KCNJ6: variants seen among roughly 807,000 people sequenced by gnomAD.
The protein encoded by KCNJ6 is G protein-activated inward rectifier potassium channel 2.
Under a neutral mutation model 34.2 loss-of-function variants are expected in KCNJ6, and 9 were observed. That is an observed-to-expected ratio of 0.26 (90% CI 0.16 to 0.46). The LOEUF (loss-of-function observed/expected upper bound fraction) is 0.46. Among genes scored for constraint, KCNJ6 ranks in the 20% least tolerant of loss-of-function variants. The pLI, the probability that KCNJ6 is intolerant of heterozygous loss-of-function variation, is 1.00. For missense variants in KCNJ6, 236 were observed against 531.3 expected (o/e 0.44, Z 5.46); for synonymous variants, 196 against 207.1 (o/e 0.95, Z 0.46).
chr21:37,728,708 A>G (rs1363967676), intron 2 of KCNJ6, among the ~76,000 whole-genome samples: 1 of 151,696 alleles, frequency 6.6e-6, no homozygotes, highest in African/African-American at 2.4e-5. Context: ...GTATATATAT[A>G]TATGTTTGAA....
At position 37,632,120 on chromosome 21, in the gene KCNJ6, G is replaced by T. The variant is rs190048768; in HGVS notation, c.947-6636C>A. Among the ~76,000 whole-genome samples the T allele has an allele frequency of 7.8e-3, 1,187 of 152,170 alleles. 14 individuals carry two copies. The highest frequency in any genetic ancestry group is 0.026 in the African/African-American group (1,066 of 41,544). On this transcript the variant is annotated intron_variant, in intron 3 of 3. Transcript: ENST00000609713. ...CGGGAGCTGAAAGTGGGGGCCGACC[G>T]GGGGGAGGGGTGGATCTCACAGAGG...
At chr21:37,884,243 A>G (rs140648727) in intron 1 of KCNJ6, among the ~76,000 whole-genome samples, 321 of 152,304 alleles carry the variant, frequency 2.1e-3, no homozygotes, top group African/African-American at 7.5e-3. Context: ...ATCTCACTTA[A>G]GAATGCATCA....
intron 2 of KCNJ6, among the ~76,000 whole-genome samples, chr21:37,807,439 T>C (rs1044055117): frequency 1.3e-5 from 2 of 152,228 alleles, no homozygotes; most frequent in African/African-American, 4.8e-5. Flanking sequence ...TCAATGTCCA[T>C]TGTCATATTT....
chr21:37,697,148 G>A (rs2054667198), intron 3 of KCNJ6, among the ~76,000 whole-genome samples: 1 of 152,318 alleles, frequency 6.6e-6, no homozygotes, highest in South Asian at 2.1e-4. Context: ...ACCATAAGAC[G>A]ATTGTTTGAC....
chr21:37,761,125 TATGTGGTGTAC>T (rs1476998804), intron 2 of KCNJ6, among the ~76,000 whole-genome samples: 2 of 151,930 alleles, frequency 1.3e-5, no homozygotes, highest in Admixed American at 1.3e-4. Flanking sequence ...CTATGTGCTG[TATGTGGTGTAC>T]GTGTGGTATG....
chr21:37,723,920 TG>T (rs1413794083), intron 2 of KCNJ6, among the ~76,000 whole-genome samples: 3 of 147,312 alleles, frequency 2.0e-5, no homozygotes, highest in Non-Finnish European at 3.1e-5. Context: ...ACAAATTGAC[TG>T]ATAGAAAACA....
intron 3 of KCNJ6, among the ~76,000 whole-genome samples, chr21:37,694,765 G>T (rs142851154): frequency 6.3e-4 from 96 of 152,290 alleles, no homozygotes; most frequent in African/African-American, 2.1e-3. Context: ...CTTAGAGGAG[G>T]TCCCAAAGGT....
At chr21:37,736,882 T>G (rs917318322) in intron 2 of KCNJ6, among the ~76,000 whole-genome samples, 1 of 152,218 alleles carries the variant, frequency 6.6e-6, no homozygotes, top group African/African-American at 2.4e-5. Flanking sequence ...GTCACCCTCC[T>G]GGAGGCACCG....
At chr21:37,631,595 C>T (rs1877929) in intron 3 of KCNJ6, among the ~76,000 whole-genome samples, 61,239 of 151,942 alleles carry the variant, frequency 0.4, 12,528 homozygotes, top group Admixed American at 0.5. Context: ...GGAGTCAAAA[C>T]TTGAGGAATG....
At chr21:37,806,038 G>C (rs150992614) in intron 2 of KCNJ6, among the ~76,000 whole-genome samples, 1 of 152,150 alleles carries the variant, frequency 6.6e-6, no homozygotes, top group South Asian at 2.1e-4. Flanking sequence ...CTAATATAGC[G>C]TTCTAACATG....
chr21:37,898,594 A>G (rs1034939620), intron 1 of KCNJ6, among the ~76,000 whole-genome samples: 1 of 151,854 alleles, frequency 6.6e-6, no homozygotes, highest in African/African-American at 2.4e-5. Flanking sequence ...AAAGAAAAAA[A>G]AAAAAAAGAA....
chr21:37,617,753 A>G lies in KCNJ6; in HGVS notation c.*7406T>C, dbSNP rs1033621718. 1.3e-5 allele frequency: 2 copies of G among 152,382 alleles called. No individual in the cohort carries two copies. Among genetic ancestry groups the G allele is most frequent in the Non-Finnish European group, 2.9e-5 (2 of 68,022 alleles). The allele number at this position is 152,382 out of a possible 1,614,324, so 9.4% of individuals were successfully genotyped here. On this transcript the variant is annotated 3_prime_UTR_variant, in exon 4 of 4. Transcript: ENST00000609713. ...AAAGAAAAGCACTGAGATCATCACC[A>G]TGAGAAAATCAGAACTTTTGGGGAT... is the stretch of plus-strand genomic sequence containing the variant.
At chr21:37,752,020 A>G (rs1365641751) in intron 2 of KCNJ6, among the ~76,000 whole-genome samples, 1 of 152,222 alleles carries the variant, frequency 6.6e-6, no homozygotes, top group Non-Finnish European at 1.5e-5. Flanking sequence ...AGTGATGGAA[A>G]GCTATCTACA....
chr21:37,770,695 G>A (rs145458545), intron 2 of KCNJ6, among the ~76,000 whole-genome samples: 298 of 152,242 alleles, frequency 2.0e-3, no homozygotes, highest in African/African-American at 5.5e-3. Context: ...GTTTGCTCAC[G>A]GCAAAGGTAA....
At chr21:37,704,981 C>T (rs561334044) in intron 3 of KCNJ6, among the ~76,000 whole-genome samples, 1 of 152,234 alleles carries the variant, frequency 6.6e-6, no homozygotes, top group East Asian at 1.9e-4. Context: ...CCTGATAACA[C>T]TGAATTGGGT....
rs529626352 is a variant in KCNJ6, at chr21:37,619,292, A to G, written c.*5867T>C. On this transcript the variant is annotated 3_prime_UTR_variant, in exon 4 of 4. Transcript: ENST00000609713. ...GGGAGTTCAGCTTAGTGACACAAAG[A>G]ATGCCATTTAATATTGACTCATCTA... The G allele has an allele frequency of 6.6e-6, 1 of 152,320 alleles. No individual in the cohort carries two copies. Among genetic ancestry groups the G allele is most frequent in the South Asian group, 2.1e-4 (1 of 4,826 alleles). The allele number at this position is 152,320 out of a possible 1,614,324, so 9.4% of individuals were successfully genotyped here.
intron 2 of KCNJ6, among the ~76,000 whole-genome samples, chr21:37,797,798 G>A (rs1186898624): frequency 2.0e-5 from 3 of 152,212 alleles, no homozygotes; most frequent in Admixed American, 6.5e-5. Context: ...GTTGAGGCAG[G>A]ATACGATGTG....
chr21:37,709,518 A>AGAAAAGAAAAG (rs1556022464), intron 3 of KCNJ6, among the ~76,000 whole-genome samples: 82 of 145,796 alleles, frequency 5.6e-4, no homozygotes, highest in African/African-American at 1.8e-3. Flanking sequence ...CTGTCTCAAA[A>AGAAAAGAAAAG]AAAAGAAAAG....
At chr21:37,822,310 A>G (rs990232719) in intron 2 of KCNJ6, among the ~76,000 whole-genome samples, 34 of 152,124 alleles carry the variant, frequency 2.2e-4, no homozygotes, top group East Asian at 1.4e-3. Flanking sequence ...AACATGCCCA[A>G]TCTCCTCTGA....
Sources: allele counts gnomAD v4.1 joint callset (sites outside exome capture counted in the v4.1 genomes callset), GRCh38; gene constraint gnomAD v4.1.1; transcripts MANE v1.5; gene names NCBI Gene and HGNC (gene_info 2026-07-23, HGNC 2026-07-21).